The following PPP3CA variants were observed in gnomAD, a reference collection of about 807,000 sequenced individuals.
PPP3CA encodes protein phosphatase 3 catalytic subunit alpha, also known as CAM-PRP catalytic subunit.
Under a neutral mutation model 66.5 loss-of-function variants are expected in PPP3CA, and 14 were observed. The observed-to-expected ratio is 0.21, with a 90% CI of 0.14 to 0.33. The LOEUF (loss-of-function observed/expected upper bound fraction) is 0.33, where lower values mean the gene tolerates loss of function less well. Ranked by LOEUF, PPP3CA falls within the 10% of genes least tolerant of loss-of-function variation. PPP3CA has a pLI of 1.00. For missense variants in PPP3CA, 317 were observed against 639.5 expected (o/e 0.50, Z 5.44); for synonymous variants, 232 against 226.2 (o/e 1.03, Z -0.23).
At chr4:101,064,614 C>T (rs961544751) in intron 8 of PPP3CA, among the ~76,000 whole-genome samples, 9 of 151,984 alleles carry the variant, frequency 5.9e-5, no homozygotes, top group Admixed American at 2.6e-4. Context: ...GCTGGAGACA[C>T]ATCTTGGTAT....
At chr4:101,106,503 A>C (rs1055857582) in intron 3 of PPP3CA, among the ~76,000 whole-genome samples, 10 of 147,370 alleles carry the variant, frequency 6.8e-5, no homozygotes, top group Non-Finnish European at 1.5e-5. Flanking sequence ...AAGAAAAGAA[A>C]GAAAGAAAGA....
At chr4:101,244,190 T>A (rs1476998529) in intron 1 of PPP3CA, among the ~76,000 whole-genome samples, 1 of 152,326 alleles carries the variant, frequency 6.6e-6, no homozygotes, top group Admixed American at 6.5e-5. Context: ...GATTTCTGTA[T>A]ACAAGTTAGT....
chr4:101,346,659 G>T, intron 1 of PPP3CA, 80 bp downstream of exon 1: 1 of 1,205,974 alleles, frequency 8.3e-7, no homozygotes, highest in Non-Finnish European at 1.2e-6. Flanking sequence ...GCGGGGGAGG[G>T]GAGGAAAGGC....
intron 1 of PPP3CA, among the ~76,000 whole-genome samples, chr4:101,244,123 T>G (rs562102414): frequency 6.6e-6 from 1 of 152,300 alleles, no homozygotes; most frequent in East Asian, 1.9e-4. Context: ...AGGAATATAG[T>G]AGGTATTTTG....
rs201902416 is a variant in PPP3CA, at chr4:101,261,863, C to CA, written c.59-65748dup. Among the ~76,000 whole-genome samples, 503 of 149,414 alleles carry CA rather than the reference C, an allele frequency of 3.4e-3. 4 individuals carry two copies. Among genetic ancestry groups the CA allele is most frequent in the Middle Eastern group, 0.02 (6 of 294 alleles). ...TTTTAACTTCCCCTCTCCCCCCACC[C>CA]AAAAAAAAAGCTATCAAAAGAAATA... On this transcript the variant is annotated intron_variant, in intron 1 of 13. Transcript: ENST00000394854.
intron 1 of PPP3CA, among the ~76,000 whole-genome samples, chr4:101,346,069 C>G: frequency 6.6e-6 from 1 of 152,046 alleles, no homozygotes; most frequent in East Asian, 1.9e-4. Context: ...CCTCCCGCGC[C>G]CCCCGCGGCC....
At chr4:101,164,963 T>C (rs542093517) in intron 2 of PPP3CA, among the ~76,000 whole-genome samples, 47 of 152,270 alleles carry the variant, frequency 3.1e-4, no homozygotes, top group African/African-American at 8.9e-4. Context: ...TCTTTCATCA[T>C]TTTACTATAA....
chr4:101,293,264 G>T (rs1236393771), intron 1 of PPP3CA, among the ~76,000 whole-genome samples: 1 of 152,092 alleles, frequency 6.6e-6, no homozygotes, highest in African/African-American at 2.4e-5. Context: ...CTCAATCACA[G>T]GTAATAATAT....
chr4:101,081,599 C>A (rs1729442182), intron 7 of PPP3CA, among the ~76,000 whole-genome samples: 1 of 152,108 alleles, frequency 6.6e-6, no homozygotes, highest in African/African-American at 2.4e-5. Flanking sequence ...TTTATCATTT[C>A]TTCGTTGATC....
chr4:101,274,864 G>A (rs1157603199), intron 1 of PPP3CA, among the ~76,000 whole-genome samples: 1 of 151,930 alleles, frequency 6.6e-6, no homozygotes, highest in African/African-American at 2.4e-5. Flanking sequence ...AACCTAACAG[G>A]TGCTTTCTTA....
rs551272115 is a variant in PPP3CA at position 101,182,457 on chromosome 4, C to T, written c.259+13459G>A. On this transcript the variant is annotated intron_variant, in intron 2 of 13. Coordinates refer to ENST00000394854, the MANE Select transcript of PPP3CA (RefSeq NM_000944.5). ...GCTCTTGAGCATTGTACAGAGTTCA[C>T]GATGGTGGGGAAAAACAAAACAAAA... Among the ~76,000 whole-genome samples, 18 of 152,098 alleles carry T rather than the reference C, an allele frequency of 1.2e-4. No homozygotes were observed. The South Asian group carries it at 1.9e-3, about 16-fold the overall frequency.
chr4:101,337,697 T>C (rs1291727744), intron 1 of PPP3CA, among the ~76,000 whole-genome samples: 1 of 152,144 alleles, frequency 6.6e-6, no homozygotes, highest in Non-Finnish European at 1.5e-5. Context: ...AGAACAAAAA[T>C]AAAATGGAGC....
At chr4:101,292,766 G>C (rs1016133384) in intron 1 of PPP3CA, among the ~76,000 whole-genome samples, 9 of 152,246 alleles carry the variant, frequency 5.9e-5, no homozygotes, top group Non-Finnish European at 1.2e-4. Flanking sequence ...CAAGGGGTTG[G>C]GTGGATATAG....
intron 1 of PPP3CA, among the ~76,000 whole-genome samples, chr4:101,266,947 G>C (rs1227939531): frequency 6.6e-6 from 1 of 152,180 alleles, no homozygotes; most frequent in Non-Finnish European, 1.5e-5. Context: ...AATTCTGTAG[G>C]AGCATGAGAC....
At chr4:101,084,144 A>G (rs1335184144) in intron 6 of PPP3CA, among the ~76,000 whole-genome samples, 1 of 152,220 alleles carries the variant, frequency 6.6e-6, no homozygotes, top group Non-Finnish European at 1.5e-5. Context: ...AAGGTACAGA[A>G]AACCAATATT....
chr4:101,060,574 A>T (rs1019109378), intron 10 of PPP3CA, among the ~76,000 whole-genome samples: 4 of 152,146 alleles, frequency 2.6e-5, no homozygotes, highest in Admixed American at 1.3e-4. Context: ...AAAAACATAA[A>T]AAACTCCTCA....
chr4:101,194,135 G>A lies in PPP3CA; in HGVS notation c.259+1781C>T, dbSNP rs1367224790. 5.9e-5 allele frequency among the ~76,000 whole-genome samples: 9 copies of A among 152,092 alleles called. No individual in the cohort carries two copies. In the South Asian group the frequency reaches 8.3e-4, roughly 14 times the overall value. On this transcript the variant is annotated intron_variant, in intron 2 of 13. Coordinates refer to ENST00000394854, the MANE Select transcript of PPP3CA (RefSeq NM_000944.5). Reference sequence around the variant, plus strand: ...GTCCAATATTGGGTTAATGTTCCTCGAGCCAATTCCTCCTCTACCTGACCC... The same window carrying A: ...GTCCAATATTGGGTTAATGTTCCTCAAGCCAATTCCTCCTCTACCTGACCC...
chr4:101,261,496 T>C (rs992710706), intron 1 of PPP3CA, among the ~76,000 whole-genome samples: 7 of 152,112 alleles, frequency 4.6e-5, no homozygotes, highest in Non-Finnish European at 1.0e-4. Flanking sequence ...AACTTCCAGA[T>C]TTTTAAAAGA....
chr4:101,237,233 A>G (rs562463201), intron 1 of PPP3CA, among the ~76,000 whole-genome samples: 180 of 151,760 alleles, frequency 1.2e-3, no homozygotes, highest in African/African-American at 4.0e-3. Context: ...CATAGCTGCA[A>G]TTGTGATTTC....
Sources: allele counts gnomAD v4.1 joint callset (sites outside exome capture counted in the v4.1 genomes callset), GRCh38; gene constraint gnomAD v4.1.1; transcripts MANE v1.5; gene names NCBI Gene and HGNC (gene_info 2026-07-23, HGNC 2026-07-21).